NOVA1: variants seen among roughly 807,000 people sequenced by gnomAD.
The protein encoded by NOVA1 is NOVA alternative splicing regulator 1.
NOVA1 carries 7 observed loss-of-function variants against 38.0 expected under a neutral mutation model. The ratio of observed to expected loss-of-function variants is 0.18; its 90% CI spans 0.10 to 0.35. The LOEUF is 0.35. NOVA1 is among the 10% of genes least tolerant of loss of function. The probability of loss-of-function intolerance (pLI) is 1.00; values close to 1 mark genes in which losing one functional copy is unlikely to be tolerated. For synonymous variants in NOVA1, 270 were observed against 232.5 expected (o/e 1.16, Z -1.47); for missense variants, 460 against 616.0 (o/e 0.75, Z 2.68).
intron 2 of NOVA1, among the ~76,000 whole-genome samples, chr14:26,493,489 T>C (rs914163612): frequency 4.6e-5 from 7 of 152,194 alleles, no homozygotes; most frequent in Admixed American, 1.3e-4. Context: ...ACTGGCAGAA[T>C]CCCAGAGTAG....
chr14:26,500,447 C>T (rs1299798355), intron 2 of NOVA1, among the ~76,000 whole-genome samples: 2 of 151,622 alleles, frequency 1.3e-5, no homozygotes, highest in Non-Finnish European at 2.9e-5. Context: ...AAGAGAACTA[C>T]ATGTGTAAAG....
intron 2 of NOVA1, among the ~76,000 whole-genome samples, chr14:26,506,376 G>A (rs1240872815): frequency 6.6e-6 from 1 of 152,162 alleles, no homozygotes; most frequent in Non-Finnish European, 1.5e-5. Flanking sequence ...ACCCTAGTAA[G>A]ACACTAAGAC....
rs183832211 is a variant in NOVA1, at chr14:26,455,283, A to G, written c.520-6320T>C. Among the ~76,000 whole-genome samples, 3 of 152,158 alleles carry G rather than the reference A, an allele frequency of 2.0e-5. No homozygotes were observed. In the East Asian group the frequency reaches 5.8e-4, roughly 29 times the overall value. On this transcript the variant is annotated intron_variant, in intron 4 of 4. Transcript: ENST00000539517. ...GTGACTTCTCCTGCTCCCTACATCTATATGTTCTATTATGTGCTGTTCTCC... is the reference window on the plus strand; with the variant it reads ...GTGACTTCTCCTGCTCCCTACATCTGTATGTTCTATTATGTGCTGTTCTCC...
At position 26,445,169 on chromosome 14, in the gene NOVA1, A is replaced by C. The variant is rs990169796; in HGVS notation, c.*2790T>G. ...AGTCTATAAATAGTTGCATTTCATA[A>C]GATGTTTGGCCCTTGTATCATCAGT... On this transcript the variant is annotated 3_prime_UTR_variant, in exon 5 of 5. Coordinates refer to ENST00000539517, the MANE Select transcript of NOVA1 (RefSeq NM_002515.3). 4.6e-5 allele frequency: 7 copies of C among 152,226 alleles called. No homozygotes were observed. Among genetic ancestry groups the C allele is most frequent in the African/African-American group, 1.7e-4 (7 of 41,454 alleles). The allele number at this position is 152,226 out of a possible 1,614,324, so 9.4% of individuals were successfully genotyped here. A position where few individuals can be genotyped will look rare whatever the true frequency, so the allele number is the denominator to read the frequency against.
chr14:26,494,102 A>G (rs938486246), intron 2 of NOVA1, among the ~76,000 whole-genome samples: 11 of 152,146 alleles, frequency 7.2e-5, no homozygotes, highest in African/African-American at 1.7e-4. Flanking sequence ...AGTAATCCAT[A>G]TATCTCTGAA....
intron 4 of NOVA1, among the ~76,000 whole-genome samples, chr14:26,457,425 G>C (rs1883273838): frequency 6.6e-6 from 1 of 152,094 alleles, no homozygotes. Context: ...CACAGACCAT[G>C]TATTCAATGG....
chr14:26,472,443 G>A, intron 3 of NOVA1, 52 bp from the exon 4 acceptor site: 4 of 759,740 alleles, frequency 5.3e-6, no homozygotes, highest in Middle Eastern at 5.1e-4. Context: ...GCCTTAAACT[G>A]ATTATTTAAA....
At chr14:26,451,345 C>A in intron 4 of NOVA1, among the ~76,000 whole-genome samples, 1 of 151,998 alleles carries the variant, frequency 6.6e-6, no homozygotes, top group Middle Eastern at 3.4e-3. Context: ...CTTTTCAATA[C>A]TCAACATTTT....
intron 4 of NOVA1, among the ~76,000 whole-genome samples, chr14:26,454,168 A>G (rs76289069): frequency 0.024 from 3,657 of 149,560 alleles, 148 homozygotes; most frequent in African/African-American, 0.085. Flanking sequence ...AAATGCAAAG[A>G]AAAAAAAAAC....
rs1268159408 is a variant in NOVA1, at chr14:26,444,303, T to G, written c.*3656A>C. On this transcript the variant is annotated 3_prime_UTR_variant, in exon 5 of 5. Transcript: ENST00000539517. ...GGTACACAAAAAACGGGGATAAAAT[T>G]TATCAGATTCTTGATAGCACCATTT... The G allele has an allele frequency of 2.6e-5, 4 of 152,100 alleles. No homozygotes were observed. Among genetic ancestry groups the G allele is most frequent in the African/African-American group, 9.7e-5 (4 of 41,418 alleles). The allele number at this position is 152,100 out of a possible 1,614,324, so 9.4% of individuals were successfully genotyped here. A position where few individuals can be genotyped will look rare whatever the true frequency, so the allele number is the denominator to read the frequency against.
chr14:26,453,737 T>C (rs1882924972), intron 4 of NOVA1, among the ~76,000 whole-genome samples: 1 of 152,194 alleles, frequency 6.6e-6, no homozygotes. Flanking sequence ...TTCTTCATTA[T>C]CATGGCAGAA....
chr14:26,463,346 G>A (rs1264454615), intron 4 of NOVA1, among the ~76,000 whole-genome samples: 3 of 152,080 alleles, frequency 2.0e-5, no homozygotes, highest in East Asian at 1.9e-4. Context: ...ACACACACAC[G>A]TCTTGAATTT....
At position 26,443,091 on chromosome 14, in the gene NOVA1, T is replaced by G. The variant is rs900452660; in HGVS notation, c.*4868A>C. 2 of 151,998 alleles carry G rather than the reference T, an allele frequency of 1.3e-5. No individual in the cohort carries two copies. Among genetic ancestry groups the G allele is most frequent in the Non-Finnish European group, 2.9e-5 (2 of 67,902 alleles). 9.4% of individuals were successfully genotyped at this position (151,998 alleles called of 1,614,324 possible). ...CATAATTTAAATAATTAAAACTAAT[T>G]TGTGTTTAAAGCTATTTGCAGATTT... On this transcript the variant is annotated 3_prime_UTR_variant, in exon 5 of 5. Coordinates refer to ENST00000539517, the MANE Select transcript of NOVA1 (RefSeq NM_002515.3).
At chr14:26,554,019 T>C (rs1891324791) in intron 2 of NOVA1, among the ~76,000 whole-genome samples, 1 of 151,270 alleles carries the variant, frequency 6.6e-6, no homozygotes, top group African/African-American at 2.4e-5. Flanking sequence ...CATGGTGGCA[T>C]GCACCTGTAA....
At chr14:26,576,609 G>C (rs921582456) in intron 2 of NOVA1, among the ~76,000 whole-genome samples, 21 of 151,120 alleles carry the variant, frequency 1.4e-4, no homozygotes, top group Middle Eastern at 3.5e-3. Flanking sequence ...CTGTGTGTGT[G>C]TATATATATA....
chr14:26,493,517 C>T (rs1022891422), intron 2 of NOVA1, among the ~76,000 whole-genome samples: 1 of 152,164 alleles, frequency 6.6e-6, no homozygotes, highest in African/African-American at 2.4e-5. Context: ...CTGGATGTAA[C>T]AGAGTGTGAT....
At chr14:26,580,004 AC>A (rs1893110488) in intron 2 of NOVA1, among the ~76,000 whole-genome samples, 1 of 151,982 alleles carries the variant, frequency 6.6e-6, no homozygotes, top group South Asian at 2.1e-4. Context: ...AAGCAATTCT[AC>A]CATCTCAGCC....
intron 2 of NOVA1, among the ~76,000 whole-genome samples, chr14:26,570,488 A>G (rs751530760): frequency 1.3e-5 from 2 of 152,288 alleles, no homozygotes; most frequent in South Asian, 2.1e-4. Flanking sequence ...GTCAATATGA[A>G]TATCTCATGT....
chr14:26,478,766 G>A (rs1287480949), intron 3 of NOVA1, among the ~76,000 whole-genome samples: 8 of 151,458 alleles, frequency 5.3e-5, no homozygotes, highest in Admixed American at 5.3e-4. Context: ...ACTTATGAAG[G>A]GTATAAACTG....
Sources: allele counts gnomAD v4.1 joint callset (sites outside exome capture counted in the v4.1 genomes callset), GRCh38; gene constraint gnomAD v4.1.1; transcripts MANE v1.5; gene names NCBI Gene and HGNC (gene_info 2026-07-23, HGNC 2026-07-21).